SGK3: variants seen among roughly 807,000 people sequenced by gnomAD.
SGK3 encodes serum/glucocorticoid regulated kinase family member 3, also known as serine/threonine-protein kinase Sgk3.
In SGK3, 47 loss-of-function variants were observed where a neutral mutation model predicts 68.5. The ratio of observed to expected loss-of-function variants is 0.69; its 90% confidence interval spans 0.54 to 0.87. The LOEUF is 0.87. Among genes scored for constraint, SGK3 ranks in the 40% least tolerant of loss-of-function variants. The pLI, the probability that SGK3 is intolerant of heterozygous loss-of-function variation, is 0.00. For synonymous variants in SGK3, 181 were observed against 189.1 expected (o/e 0.96, Z 0.35); for missense variants, 479 against 575.5 (o/e 0.83, Z 1.72).
intron 1 of SGK3, among the ~76,000 whole-genome samples, chr8:66,761,979 T>G (rs1806179170): frequency 6.6e-6 from 1 of 152,236 alleles, no homozygotes; most frequent in Non-Finnish European, 1.5e-5. Flanking sequence ...AACATCAGAT[T>G]GTTTCATCTC....
intron 1 of SGK3, among the ~76,000 whole-genome samples, chr8:66,727,760 T>G (rs1300155156): frequency 1.3e-5 from 2 of 152,188 alleles, no homozygotes; most frequent in African/African-American, 4.8e-5. Flanking sequence ...CTTTCCAGCC[T>G]CTAGAACTGT....
At chr8:66,839,539 ATATATATATATATATATATT>A (rs1336839205) in intron 10 of SGK3, among the ~76,000 whole-genome samples, 43 of 69,814 alleles carry the variant, frequency 6.2e-4, no homozygotes, top group African/African-American at 2.0e-3. Context: ...ATATATATAT[ATATATATATATATATATATT>A]TTCATATGGG....
rs4442127 is a variant in SGK3 at position 66,792,576 on chromosome 8, C to A, written c.-121-1040C>A. 8.5e-3 allele frequency among the ~76,000 whole-genome samples: 1,298 copies of A among 152,196 alleles called. 6 individuals are homozygous for A. The highest frequency in any genetic ancestry group is 0.014 in the Non-Finnish European group (973 of 68,008). On this transcript the variant is annotated intron_variant, in intron 1 of 16. Coordinates refer to ENST00000521198, the MANE Select transcript of SGK3 (RefSeq NM_001033578.3). ...CAGGGCAATTATCCAAGCAAACTGA[C>A]ACTTTAAAAAGTATTATTTAGTCTG...
chr8:66,748,285 C>T (rs1420029148), intron 1 of SGK3, among the ~76,000 whole-genome samples: 1 of 152,072 alleles, frequency 6.6e-6, no homozygotes, highest in Non-Finnish European at 1.5e-5. Context: ...AAAATACTGC[C>T]ACTAAAGTAG....
At chr8:66,752,446 A>G (rs1427901631) in intron 1 of SGK3, among the ~76,000 whole-genome samples, 1 of 152,160 alleles carries the variant, frequency 6.6e-6, no homozygotes, top group African/African-American at 2.4e-5. Context: ...ATTATTATGT[A>G]GGATGATAAT....
chr8:66,813,763 C>A, intron 4 of SGK3, 90 bp from the exon 5 acceptor site: 1 of 1,115,990 alleles, frequency 9.0e-7, no homozygotes, highest in Non-Finnish European at 1.2e-6. Context: ...AATCAAAATT[C>A]ACTATCTTGT....
intron 2 of SGK3, among the ~76,000 whole-genome samples, chr8:66,796,144 A>T (rs1807672569): frequency 6.6e-6 from 1 of 150,904 alleles, no homozygotes; most frequent in African/African-American, 2.4e-5. Context: ...TATTTATTTT[A>T]TTTATTTTTT....
In SGK3 at chr8:66,861,295, C is replaced by G. The variant is rs984716172; in HGVS notation, c.*1714C>G. On this transcript the variant is annotated 3_prime_UTR_variant, in exon 17 of 17. Transcript: ENST00000521198. Reference sequence around the variant, plus strand: ...AAATTGTAACCTACCAACTAACTTACATGCTTATAAAAGTAAAGGAGAATA... The same window carrying G: ...AAATTGTAACCTACCAACTAACTTAGATGCTTATAAAAGTAAAGGAGAATA... The G allele has an allele frequency of 5.3e-5, 8 of 152,004 alleles. No homozygotes were observed. Among genetic ancestry groups the G allele is most frequent in the African/African-American group, 1.7e-4 (7 of 41,386 alleles). 9.4% of individuals were successfully genotyped at this position (152,004 alleles called of 1,614,324 possible). A position where few individuals can be genotyped will look rare whatever the true frequency, so the allele number is the denominator to read the frequency against.
At chr8:66,767,553 C>A (rs1320776619) in intron 1 of SGK3, 2 of 1,490,050 alleles carry the variant, frequency 1.3e-6, no homozygotes, top group African/African-American at 2.8e-5. Context: ...GCTCTCTCTC[C>A]TCATCAAGTA....
chr8:66,820,930 T>C (rs1170991227), intron 5 of SGK3, among the ~76,000 whole-genome samples: 1 of 152,136 alleles, frequency 6.6e-6, no homozygotes, highest in African/African-American at 2.4e-5. Flanking sequence ...GGTATCTAAC[T>C]CCTGGCCTCA....
At chr8:66,788,968 A>G (rs1807323135) in intron 1 of SGK3, among the ~76,000 whole-genome samples, 1 of 152,178 alleles carries the variant, frequency 6.6e-6, no homozygotes, top group Admixed American at 6.5e-5. Context: ...ATGGCAATTC[A>G]GACATAGCCC....
At chr8:66,734,228 C>CTTTTTTTTTTT (rs529741200) in intron 1 of SGK3, among the ~76,000 whole-genome samples, 286 of 104,112 alleles carry the variant, frequency 2.7e-3, no homozygotes, top group Middle Eastern at 7.9e-3. Flanking sequence ...CTTTTTCTTT[C>CTTTTTTTTTTT]TTTTTTTTTT....
At chr8:66,821,556 A>T (rs557875060) in intron 5 of SGK3, among the ~76,000 whole-genome samples, 55 of 151,530 alleles carry the variant, frequency 3.6e-4, no homozygotes, top group African/African-American at 1.2e-3. Flanking sequence ...TCTGTCACCC[A>T]GGCTGGAGTG....
intron 1 of SGK3, among the ~76,000 whole-genome samples, chr8:66,774,485 T>C (rs944013027): frequency 1.4e-4 from 21 of 152,066 alleles, no homozygotes; most frequent in Admixed American, 3.9e-4. Flanking sequence ...TCCAGCCGTT[T>C]TTCACTGTCC....
At chr8:66,716,565 G>A (rs539546382) in intron 1 of SGK3, among the ~76,000 whole-genome samples, 1 of 133,278 alleles carries the variant, frequency 7.5e-6, no homozygotes, top group South Asian at 2.8e-4. Flanking sequence ...TTTGGGCGGG[G>A]GGGTTGGGGG....
chr8:66,795,273 C>G (rs752868016), intron 2 of SGK3, among the ~76,000 whole-genome samples: 1 of 152,194 alleles, frequency 6.6e-6, no homozygotes, highest in Non-Finnish European at 1.5e-5. Flanking sequence ...AACAGACACA[C>G]CTGCCACACT....
chr8:66,739,811 AC>A (rs1805428491), intron 1 of SGK3, among the ~76,000 whole-genome samples: 1 of 152,240 alleles, frequency 6.6e-6, no homozygotes, highest in African/African-American at 2.4e-5. Flanking sequence ...GTCCTTCTTC[AC>A]ATGGCATCAG....
chr8:66,825,194 T>C (rs920956527), intron 6 of SGK3, among the ~76,000 whole-genome samples: 1 of 152,176 alleles, frequency 6.6e-6, no homozygotes, highest in Non-Finnish European at 1.5e-5. Flanking sequence ...TTTGTTCCTT[T>C]TTTTCTTTTT....
Position 66,847,336 on chromosome 8 carries a change from C to A in SGK3, c.1218C>A (p.Ala406=). The A allele has an allele frequency of 6.2e-7, 1 of 1,613,532 alleles. No individual in the cohort carries two copies. The highest frequency in any genetic ancestry group is 8.5e-7 in the Non-Finnish European group (1 of 1,179,842). Residue 406 remains alanine, a synonymous_variant, in exon 15 of 17, where the codon GCC becomes GCA. Coordinates refer to ENST00000521198, the MANE Select transcript of SGK3 (RefSeq NM_001033578.3). ...AAGACAGGCAAAATCGACTTGGTGCCAAGGAAGACTTTGTATGTAACAGCT... is the reference window on the plus strand; with the variant it reads ...AAGACAGGCAAAATCGACTTGGTGCAAAGGAAGACTTTGTATGTAACAGCT... ...LEKDRQNRLG[A]KEDFLEIQNH...
Sources: gnomAD v4.1 joint callset for allele counts (sites outside exome capture counted in the v4.1 genomes callset) on GRCh38, gnomAD v4.1.1 for gene constraint, MANE v1.5 for transcripts, NCBI Gene and HGNC (gene_info 2026-07-23, HGNC 2026-07-21) for gene names.